PCDHGB1: variants seen among roughly 807,000 people sequenced by gnomAD.
PCDHGB1 encodes protocadherin gamma-B1.
Under a neutral mutation model 56.6 loss-of-function variants are expected in PCDHGB1, and 34 were observed. The ratio of observed to expected loss-of-function variants is 0.60; its 90% CI spans 0.46 to 0.80. The LOEUF (loss-of-function observed/expected upper bound fraction) is 0.80. Among genes scored for constraint, PCDHGB1 ranks in the 30% least tolerant of loss-of-function variants. The pLI is 0.00. For missense variants in PCDHGB1, 1,278 were observed against 1,204.6 expected (o/e 1.06, Z -0.90); for synonymous variants, 561 against 505.9 (o/e 1.11, Z -1.46).
intron 1 of PCDHGB1, chr5:141,356,285 C>A (rs1405876688): frequency 3.9e-6 from 6 of 1,556,488 alleles, no homozygotes; most frequent in African/African-American, 1.4e-5. Flanking sequence ...TCTTCTTCCC[C>A]GGGTACAGTA....
chr5:141,361,492 C>G, intron 1 of PCDHGB1: 1 of 1,614,018 alleles, frequency 6.2e-7, no homozygotes, highest in Non-Finnish European at 8.5e-7. Context: ...CCCAGTTTTC[C>G]AACAGACTTC....
At chr5:141,420,101 T>C (rs1160215468) in intron 1 of PCDHGB1, 1 of 1,613,928 alleles carries the variant, frequency 6.2e-7, no homozygotes, top group Non-Finnish European at 8.5e-7. Flanking sequence ...TGAGGGAACG[T>C]TGCCCTATGC....
intron 1 of PCDHGB1, chr5:141,360,964 A>G (rs771504785): frequency 1.2e-6 from 2 of 1,613,962 alleles, no homozygotes; most frequent in Non-Finnish European, 1.7e-6. Flanking sequence ...AAACGCAGAG[A>G]TCACCTACTC....
chr5:141,436,121 C>T (rs2097796819), intron 1 of PCDHGB1, among the ~76,000 whole-genome samples: 1 of 152,154 alleles, frequency 6.6e-6, no homozygotes, highest in Admixed American at 6.5e-5. Context: ...AAACCTCTCT[C>T]CTCCATCATC....
Position 141,431,435 on chromosome 5 carries a change from G to T in PCDHGB1, c.2410-63372G>T. On this transcript the variant is annotated intron_variant, in intron 1 of 3. Coordinates refer to ENST00000523390, the MANE Select transcript of PCDHGB1 (RefSeq NM_018922.3). This position sits in a 1 kb window ranked among gnomAD's most constrained non-coding sequence, Gnocchi z 4.8. The stretch of plus-strand genomic sequence containing the variant: ...GGGCGACCCGGTGCGCACAGGCACC[G>T]CGCGCATCCGCGTGATGGTTCTGGA... The T allele has an allele frequency of 6.2e-7, 1 of 1,613,668 alleles. No individual in the cohort carries two copies. Among genetic ancestry groups the T allele is most frequent in the Non-Finnish European group, 8.5e-7 (1 of 1,180,026 alleles).
rs755602367 is a variant in PCDHGB1, at chr5:141,415,231, G to A, written c.2409+62562G>A. ...GGACCTCGGCAGCTTCGAGTCTCCA[G>A]CTAACTCTGAAACCTCAGACCTCAC... On this transcript the variant is annotated intron_variant, in intron 1 of 3. Transcript: ENST00000523390. 2.1e-5 allele frequency: 34 copies of A among 1,614,042 alleles called. No homozygotes were observed. The South Asian group carries it at 3.2e-4, about 15-fold the overall frequency.
chr5:141,375,103 C>G (rs1230243964), intron 1 of PCDHGB1: 1 of 1,613,900 alleles, frequency 6.2e-7, no homozygotes, highest in South Asian at 1.1e-5. Context: ...TCTTGGATGT[C>G]AATGATAATG....
chr5:141,445,786 C>A (rs1189294394), intron 1 of PCDHGB1, among the ~76,000 whole-genome samples: 2 of 152,018 alleles, frequency 1.3e-5, no homozygotes, highest in Non-Finnish European at 2.9e-5. Flanking sequence ...GCTAGGGAGG[C>A]TAGAAACAGA....
intron 1 of PCDHGB1, chr5:141,360,240 T>G: frequency 6.2e-7 from 1 of 1,613,948 alleles, no homozygotes; most frequent in African/African-American, 1.3e-5. Context: ...AGATCCGCTA[T>G]TCAATTCCAG....
intron 3 of PCDHGB1, 137 bp from the exon 4 acceptor site, chr5:141,510,810 A>T: frequency 6.6e-7 from 1 of 1,519,768 alleles, no homozygotes; most frequent in African/African-American, 1.4e-5. Context: ...TACCTTGGTG[A>T]CCCCTATATT....
chr5:141,413,850 C>G (rs2095685833), intron 1 of PCDHGB1: 3 of 1,613,244 alleles, frequency 1.9e-6, no homozygotes, highest in East Asian at 2.2e-5. Context: ...GTGACCCTCT[C>G]CGATCTGGCA....
chr5:141,362,619 G>A, intron 1 of PCDHGB1: 1 of 1,526,806 alleles, frequency 6.5e-7, no homozygotes, highest in Non-Finnish European at 8.8e-7. Flanking sequence ...TGGGTAGGAA[G>A]TTCCACTGCG....
chr5:141,406,159 A>G (rs1237857279), intron 1 of PCDHGB1, among the ~76,000 whole-genome samples: 3 of 151,234 alleles, frequency 2.0e-5, no homozygotes, highest in Non-Finnish European at 2.9e-5. Context: ...TGCAGTCTCA[A>G]TCTCCTGGGC....
intron 1 of PCDHGB1, chr5:141,423,820 C>T: frequency 7.9e-7 from 1 of 1,272,642 alleles, no homozygotes. Context: ...TTTTACTTTG[C>T]CTTTCATGAG....
At chr5:141,397,546 T>C (rs576089094) in intron 1 of PCDHGB1, among the ~76,000 whole-genome samples, 2 of 152,300 alleles carry the variant, frequency 1.3e-5, no homozygotes, top group South Asian at 2.1e-4. Flanking sequence ...GAAATCAGTA[T>C]AGTATGAAGG....
intron 1 of PCDHGB1, chr5:141,366,661 C>A (rs976652914): frequency 1.2e-6 from 2 of 1,614,268 alleles, no homozygotes; most frequent in Admixed American, 3.3e-5. Flanking sequence ...ACTACGCAGA[C>A]ACGCTCCTTA....
intron 1 of PCDHGB1, chr5:141,366,897 T>C (rs1764856228): frequency 6.6e-6 from 8 of 1,211,018 alleles, no homozygotes; most frequent in Non-Finnish European, 9.0e-6. Context: ...ATATAATTCA[T>C]GCTTTCTCCA....
chr5:141,355,562 T>C, intron 1 of PCDHGB1: 1 of 1,613,794 alleles, frequency 6.2e-7, no homozygotes, highest in Non-Finnish European at 8.5e-7. Context: ...CGGGTAGAGG[T>C]GGAAATAATC....
chr5:141,497,240 GA>G (rs1221446648), intron 2 of PCDHGB1, among the ~76,000 whole-genome samples: 125 of 152,188 alleles, frequency 8.2e-4, no homozygotes, highest in African/African-American at 3.0e-3. Flanking sequence ...AGGCTTCTAG[GA>G]GGAGGTGACA....
Sources: gnomAD v4.1 joint callset for allele counts (sites outside exome capture counted in the v4.1 genomes callset) on GRCh38, gnomAD v4.1.1 for gene constraint, Gnocchi (gnomAD v3.1) non-coding constraint, MANE v1.5 for transcripts, NCBI Gene and HGNC (gene_info 2026-07-23, HGNC 2026-07-21) for gene names.